NKTR: variants seen among roughly 807,000 people sequenced by gnomAD.
NKTR encodes natural killer cell triggering receptor.
Under a neutral mutation model 156.3 loss-of-function variants are expected in NKTR, and 67 were observed. The observed-to-expected ratio is 0.43, with a 90% CI of 0.35 to 0.53. NKTR has a LOEUF of 0.53. Ranked by LOEUF, NKTR falls within the 20% of genes least tolerant of loss-of-function variation. The probability of loss-of-function intolerance (pLI) is 0.01; values close to 1 mark genes in which losing one functional copy is unlikely to be tolerated. For missense variants in NKTR, 1,604 were observed against 1,730.9 expected (o/e 0.93, Z 1.30); for synonymous variants, 640 against 596.6 (o/e 1.07, Z -1.06).
chr3:42,621,608 A>G, intron 6 of NKTR, 92 bp downstream of exon 6: 1 of 1,294,994 alleles, frequency 7.7e-7, no homozygotes, highest in Admixed American at 2.9e-5. Context: ...TTTAATGCTA[A>G]AATTCTGTCA....
chr3:42,642,888 C>T (rs571234900), intron 14 of NKTR, among the ~76,000 whole-genome samples: 21 of 152,296 alleles, frequency 1.4e-4, no homozygotes, highest in Admixed American at 1.4e-3. Flanking sequence ...CATCTGCATT[C>T]ACCTCTTGAC....
intron 10 of NKTR, among the ~76,000 whole-genome samples, chr3:42,634,200 A>G (rs1444816782): frequency 1.3e-5 from 2 of 152,222 alleles, no homozygotes; most frequent in Non-Finnish European, 2.9e-5. Context: ...ACTTTTGTTA[A>G]CTTGTTCAAC....
At chr3:42,617,935 C>T (rs1170089102) in intron 3 of NKTR, among the ~76,000 whole-genome samples, 1 of 152,010 alleles carries the variant, frequency 6.6e-6, no homozygotes, top group Non-Finnish European at 1.5e-5. Flanking sequence ...ACATTCAAAA[C>T]TGATTTGGTA....
In NKTR at chr3:42,601,021, C is replaced by G; in HGVS notation, c.15C>G (p.Asp5Glu). The change falls in exon 2 of 17, where the codon GAC (aspartate) becomes GAG (glutamate). Residue 5 changes from aspartate (D) to glutamate (E), a missense_variant. Physicochemically the swap from Asp to Glu is conservative, Grantham distance 45 (BLOSUM62 2). This residue lies in a region of NKTR where 73 missense variants were observed against 90.7 expected (regional missense o/e 0.80). Coordinates refer to ENST00000232978, the MANE Select transcript of NKTR (RefSeq NM_005385.4). MGAQDRPQCHFDIEI... is the reference protein window; with the variant it reads MGAQERPQCHFDIEI... ...CCTCGGTCGCGATGGGGGCGCAGGA[C>G]CGGCCGCAGTGCCACTTCGACATCG... is the stretch of plus-strand genomic sequence containing the variant. 3 of 1,579,930 alleles carry G rather than the reference C, an allele frequency of 1.9e-6. No homozygotes were observed. Among genetic ancestry groups the G allele is most frequent in the Non-Finnish European group, 2.6e-6 (3 of 1,166,110 alleles).
chr3:42,623,783 A>G (rs1708129339), intron 6 of NKTR: 1 of 152,138 alleles, frequency 6.6e-6, no homozygotes, highest in African/African-American at 2.4e-5. Context: ...ACAGCTCCTC[A>G]TAGGGCACTT....
chr3:42,623,340 T>A (rs146166573), intron 6 of NKTR, among the ~76,000 whole-genome samples: 1 of 152,236 alleles, frequency 6.6e-6, no homozygotes, highest in East Asian at 1.9e-4. Flanking sequence ...AATTTTTTAG[T>A]TTGAAATTTC....
intron 2 of NKTR, among the ~76,000 whole-genome samples, chr3:42,606,105 G>C (rs1706207448): frequency 6.6e-6 from 1 of 152,130 alleles, no homozygotes; most frequent in Non-Finnish European, 1.5e-5. Flanking sequence ...ACAGTGCTGG[G>C]AATGGAGGCA....
At position 42,600,974 on chromosome 3, in the gene NKTR, T is replaced by C; in HGVS notation, c.-23-10T>C. ...CCTGCCCTGACCGCTTTTCTCCCCCTCTCTCCCAGCTCTTGCCGCCACCTC... is the reference window on the plus strand; with the variant it reads ...CCTGCCCTGACCGCTTTTCTCCCCCCCTCTCCCAGCTCTTGCCGCCACCTC... On this transcript the variant is annotated splice_polypyrimidine_tract_variant and intron_variant, in intron 1 of 16. Transcript: ENST00000232978. The C allele has an allele frequency of 6.8e-7, 1 of 1,475,014 alleles. No individual in the cohort carries two copies. The highest frequency in any genetic ancestry group is 9.1e-7 in the Non-Finnish European group (1 of 1,096,826). 91.4% of individuals were successfully genotyped at this position (1,475,014 alleles called of 1,614,324 possible).
chr3:42,640,233 TTTG>T (rs764171726), intron 13 of NKTR, among the ~76,000 whole-genome samples: 25 of 152,256 alleles, frequency 1.6e-4, no homozygotes, highest in Non-Finnish European at 1.6e-4. Flanking sequence ...TCTTTAGATT[TTTG>T]TTGTTGTTTG....
chr3:42,642,652 C>A, intron 14 of NKTR, 56 bp downstream of exon 14: 1 of 1,223,370 alleles, frequency 8.2e-7, no homozygotes, highest in Non-Finnish European at 1.2e-6. Context: ...CTTTTTAAGG[C>A]TACATAGGCA....
At chr3:42,632,498 C>A in intron 8 of NKTR, 103 bp from the exon 9 acceptor site, 4 of 652,656 alleles carry the variant, frequency 6.1e-6, no homozygotes, top group Non-Finnish European at 7.7e-6. Flanking sequence ...TTTTTGTTTG[C>A]TGTATGTAAA....
intron 6 of NKTR, chr3:42,629,688 CTAAT>C (rs1313500659): frequency 2.7e-5 from 26 of 977,776 alleles, no homozygotes; most frequent in East Asian, 1.1e-4. Flanking sequence ...AATTCTGAGA[CTAAT>C]TATCTGCTTT....
intron 3 of NKTR, 124 bp downstream of exon 3, chr3:42,617,768 AAG>A (rs1056345891): frequency 2.0e-4 from 115 of 574,356 alleles, no homozygotes; most frequent in Middle Eastern, 2.9e-4. Flanking sequence ...AAAAAAAAAA[AAG>A]AGTTACTTAT....
intron 13 of NKTR, among the ~76,000 whole-genome samples, 177 bp from the exon 14 acceptor site, chr3:42,642,324 T>C (rs973192698): frequency 6.6e-6 from 1 of 152,224 alleles, no homozygotes; most frequent in African/African-American, 2.4e-5. Flanking sequence ...CTGTTTGATT[T>C]TAACCATGGT....
intron 2 of NKTR, among the ~76,000 whole-genome samples, chr3:42,608,880 C>T (rs1292321290): frequency 2.6e-5 from 4 of 152,126 alleles, no homozygotes; most frequent in Non-Finnish European, 5.9e-5. Context: ...AATCCCAGCA[C>T]TTTGGGAGGC....
intron 9 of NKTR, chr3:42,633,203 C>T: frequency 2.2e-6 from 1 of 451,728 alleles, no homozygotes. Context: ...CTATGCTTGG[C>T]TAATTTTTAA....
chr3:42,621,028 T>A (rs1707855402), intron 5 of NKTR: 5 of 977,056 alleles, frequency 5.1e-6, no homozygotes, highest in Non-Finnish European at 2.4e-6. Flanking sequence ...CCTAAAAAGA[T>A]TATTGAACTT....
At chr3:42,603,360 TAAAAAAAAAAAA>T (rs376932471) in intron 2 of NKTR, among the ~76,000 whole-genome samples, 5 of 92,744 alleles carry the variant, frequency 5.4e-5, no homozygotes, top group Non-Finnish European at 9.4e-5. Flanking sequence ...ATCTTGTTTC[TAAAAAAAAAAAA>T]AAAAAAAAAA....
At chr3:42,609,038 G>C (rs1317793805) in intron 2 of NKTR, among the ~76,000 whole-genome samples, 1 of 151,972 alleles carries the variant, frequency 6.6e-6, no homozygotes, top group Non-Finnish European at 1.5e-5. Flanking sequence ...TAAGGCAGGA[G>C]AATTGCTTGA....
Sources: gnomAD v4.1 joint callset for allele counts (sites outside exome capture counted in the v4.1 genomes callset) on GRCh38, gnomAD v4.1.1 for gene constraint, gnomAD v4.1.1 regional missense constraint, MANE v1.5 for transcripts, NCBI Gene and HGNC (gene_info 2026-07-23, HGNC 2026-07-21) for gene names.